SIM1: variants seen among roughly 807,000 people sequenced by gnomAD.
SIM1 encodes SIM bHLH transcription factor 1.
A neutral mutation model predicts 78.2 loss-of-function variants in SIM1; 18 were observed. The ratio of observed to expected loss-of-function variants is 0.23; its 90% CI spans 0.16 to 0.34. SIM1 has a LOEUF of 0.34. Among genes scored for constraint, SIM1 ranks in the 10% least tolerant of loss-of-function variants. The pLI, the probability that SIM1 is intolerant of heterozygous loss-of-function variation, is 1.00. For synonymous variants in SIM1, 417 were observed against 385.2 expected, an observed-to-expected ratio of 1.08 and a Z score of -0.97; for missense variants, 939 against 975.1, an observed-to-expected ratio of 0.96 and a Z score of 0.49.
intron 2 of SIM1, among the ~76,000 whole-genome samples, chr6:100,454,807 C>A (rs1772604038): frequency 6.6e-6 from 1 of 152,102 alleles, no homozygotes; most frequent in Admixed American, 6.6e-5. Context: ...GGCTAGAGTA[C>A]CCTTTTGCGG....
intron 9 of SIM1, among the ~76,000 whole-genome samples, chr6:100,427,584 C>T (rs541964230): frequency 2.2e-3 from 339 of 152,138 alleles, no homozygotes; most frequent in Non-Finnish European, 3.6e-3. Flanking sequence ...AAAAGTAAGG[C>T]AAAAAAATTG....
intron 10 of SIM1, among the ~76,000 whole-genome samples, chr6:100,400,455 A>G (rs368792013): frequency 1.3e-5 from 2 of 152,208 alleles, no homozygotes; most frequent in Admixed American, 6.5e-5. Context: ...ATTTAAAAAA[A>G]TGCTTCAACC....
At chr6:100,406,718 A>G (rs1162068313) in intron 10 of SIM1, among the ~76,000 whole-genome samples, 3 of 151,040 alleles carry the variant, frequency 2.0e-5, no homozygotes. Context: ...ACTAAATTGT[A>G]TACATTTATG....
intron 9 of SIM1, among the ~76,000 whole-genome samples, chr6:100,443,158 G>A (rs556854448): frequency 2.6e-5 from 4 of 152,046 alleles, no homozygotes; most frequent in Admixed American, 2.0e-4. Flanking sequence ...TTAGTAGACA[G>A]CAAATGTTAC....
chr6:100,415,058 G>A (rs1487008165), intron 10 of SIM1, among the ~76,000 whole-genome samples: 1 of 152,146 alleles, frequency 6.6e-6, no homozygotes, highest in African/African-American at 2.4e-5. Flanking sequence ...TAGTGTATTG[G>A]TTATTACTGA....
chr6:100,457,926 G>GGCCGCA (rs1772715292), intron 2 of SIM1, among the ~76,000 whole-genome samples: 2 of 152,184 alleles, frequency 1.3e-5, no homozygotes, highest in African/African-American at 2.4e-5. Flanking sequence ...GAGACACCGC[G>GGCCGCA]GCCGCACCCA....
rs1209379225 is a variant in SIM1, at chr6:100,386,418, A to G, written c.*3943T>C. ...TCCTACTCTTGAAAGAGAGAGCTAT[A>G]AAAATCAAATGTGTATTCAGAAGAT... On this transcript the variant is annotated 3_prime_UTR_variant, in exon 12 of 12. Transcript: ENST00000369208. 3.9e-5 allele frequency: 6 copies of G among 152,074 alleles called. No homozygotes were observed. Among genetic ancestry groups the G allele is most frequent in the African/African-American group, 1.4e-4 (6 of 41,452 alleles). 9.4% of individuals were successfully genotyped at this position (152,074 alleles called of 1,614,324 possible).
chr6:100,440,908 TAGACTAAGTCAGG>T (rs1405517496), intron 9 of SIM1, among the ~76,000 whole-genome samples: 7 of 151,266 alleles, frequency 4.6e-5, no homozygotes, highest in African/African-American at 7.3e-5. Flanking sequence ...CCCATGTGAG[TAGACTAAGTCAGG>T]AGACAAAAAC....
At chr6:100,448,027 C>T in intron 8 of SIM1, 119 bp downstream of exon 8, 1 of 754,782 alleles carries the variant, frequency 1.3e-6, no homozygotes, top group South Asian at 1.8e-5. Context: ...ACACCACCAC[C>T]ACCCGGCTCC....
intron 9 of SIM1, among the ~76,000 whole-genome samples, chr6:100,441,503 G>A (rs1158203443): frequency 6.6e-6 from 1 of 152,042 alleles, no homozygotes; most frequent in Admixed American, 6.6e-5. Context: ...CATCTGACTT[G>A]GTTTGCAAAT....
intron 10 of SIM1, among the ~76,000 whole-genome samples, chr6:100,395,266 C>T (rs879874199): frequency 1.3e-5 from 2 of 151,798 alleles, no homozygotes; most frequent in Non-Finnish European, 2.9e-5. Context: ...CATATACATT[C>T]CATATACATT....
chr6:100,396,910 G>T (rs374553018), intron 10 of SIM1, among the ~76,000 whole-genome samples: 9 of 152,314 alleles, frequency 5.9e-5, no homozygotes, highest in African/African-American at 2.2e-4. Flanking sequence ...AAATGCAGTA[G>T]TGGGTTAGAT....
chr6:100,401,003 A>G (rs755507230), intron 10 of SIM1, among the ~76,000 whole-genome samples: 19 of 152,144 alleles, frequency 1.2e-4, no homozygotes, highest in Non-Finnish European at 2.2e-4. Context: ...TTATACAGTA[A>G]AGAAACCAAA....
chr6:100,410,985 T>C (rs1227141428), intron 10 of SIM1, among the ~76,000 whole-genome samples: 1 of 152,206 alleles, frequency 6.6e-6, no homozygotes, highest in Non-Finnish European at 1.5e-5. Flanking sequence ...GAAAATAGTT[T>C]AAGATACTTT....
chr6:100,461,352 C>T (rs192062887), intron 2 of SIM1, among the ~76,000 whole-genome samples: 1 of 151,626 alleles, frequency 6.6e-6, no homozygotes, highest in East Asian at 2.0e-4. Flanking sequence ...CTCCCAGCTG[C>T]GCCTGCCCCC....
intron 10 of SIM1, among the ~76,000 whole-genome samples, chr6:100,406,290 T>G (rs1436426778): frequency 1.3e-5 from 2 of 152,196 alleles, no homozygotes; most frequent in Non-Finnish European, 2.9e-5. Context: ...TGATTTTTCA[T>G]ATGTAAGTGG....
At chr6:100,450,731 C>CAT (rs60726943) in intron 3 of SIM1, among the ~76,000 whole-genome samples, 1 of 146,876 alleles carries the variant, frequency 6.8e-6, no homozygotes, top group African/African-American at 2.6e-5. Context: ...CACACACACA[C>CAT]AGTTCTAGGG....
intron 10 of SIM1, among the ~76,000 whole-genome samples, chr6:100,409,017 C>T (rs1472497575): frequency 6.6e-6 from 1 of 151,964 alleles, no homozygotes; most frequent in Non-Finnish European, 1.5e-5. Flanking sequence ...AATTCACCAG[C>T]GAAGTCATCT....
chr6:100,420,492 A>T (rs541612887), intron 10 of SIM1, among the ~76,000 whole-genome samples: 1 of 152,202 alleles, frequency 6.6e-6, no homozygotes, highest in Admixed American at 6.5e-5. Flanking sequence ...ATGGTCACTC[A>T]CTGGGTGGGA....
Sources: allele counts gnomAD v4.1 joint callset (sites outside exome capture counted in the v4.1 genomes callset), GRCh38; gene constraint gnomAD v4.1.1; transcripts MANE v1.5; gene names NCBI Gene and HGNC (gene_info 2026-07-23, HGNC 2026-07-21).